Variants in PSMD6 observed in about 807,000 individuals in gnomAD.
PSMD6 encodes proteasome 26S subunit, non-ATPase 6.
PSMD6 carries 7 observed loss-of-function variants against 44.9 expected under a neutral mutation model. That is an observed-to-expected ratio of 0.16 (90% CI 0.09 to 0.29). The LOEUF (loss-of-function observed/expected upper bound fraction) is 0.29. Ranked by LOEUF, PSMD6 falls within the 10% of genes least tolerant of loss-of-function variation. The pLI, the probability that PSMD6 is intolerant of heterozygous loss-of-function variation, is 1.00. For synonymous variants in PSMD6, 184 were observed against 172.7 expected, an observed-to-expected ratio of 1.07 and a Z score of -0.51; for missense variants, 420 against 482.6, an observed-to-expected ratio of 0.87 and a Z score of 1.21.
chr3:64,023,378 G>A lies in PSMD6; in HGVS notation c.42C>T (p.Asn14=), dbSNP rs569890454. 14 of 1,611,770 alleles carry A rather than the reference G, an allele frequency of 8.7e-6. No homozygotes were observed. Among genetic ancestry groups the A allele is most frequent in the South Asian group, 7.7e-5 (7 of 90,926 alleles). Residue 14 remains asparagine (N), a synonymous_variant, in exon 1 of 8, where the codon AAC becomes AAT. Coordinates refer to ENST00000295901, the MANE Select transcript of PSMD6 (RefSeq NM_014814.3). ...GCAGCTGCGCGATACGCAAGTCGGG[G>A]TTCTTGGGCAGACCCTCCTCCTCCA... ...ENLEEEGLPK[N]PDLRIAQLRF... is the part of the protein sequence containing the mutation.
At chr3:64,011,072 T>C in intron 6 of PSMD6, 117 bp from the exon 7 acceptor site, 1 of 811,590 alleles carries the variant, frequency 1.2e-6, no homozygotes, top group Non-Finnish European at 1.9e-6. Flanking sequence ...CCTTCAAGCT[T>C]GTTATTGCAC....
intron 5 of PSMD6, chr3:64,016,292 T>C (rs1327526133): frequency 6.6e-6 from 1 of 152,014 alleles, no homozygotes; most frequent in African/African-American, 2.4e-5. Flanking sequence ...TGTGTATGGA[T>C]TTGGGGGTGA....
chr3:64,023,195 C>A, intron 1 of PSMD6, 80 bp downstream of exon 1: 1 of 1,466,820 alleles, frequency 6.8e-7, no homozygotes, highest in South Asian at 1.3e-5. Context: ...GGAGCTCCAT[C>A]AAAAAAAGTC....
upstream of PSMD6, chr3:64,023,941 G>C: frequency 1.1e-6 from 1 of 891,182 alleles, no homozygotes; most frequent in South Asian, 1.8e-5. Flanking sequence ...CCAAGGTCAT[G>C]TAACAGCCAT....
intron 5 of PSMD6, chr3:64,016,889 G>A (rs1210183581): frequency 6.6e-6 from 1 of 152,100 alleles, no homozygotes; most frequent in African/African-American, 2.4e-5. Context: ...TAGCCAAAAA[G>A]TGCAATCAAC....
intron 6 of PSMD6, chr3:64,012,054 T>A (rs1410227298): frequency 8.1e-6 from 1 of 122,950 alleles, no homozygotes; most frequent in East Asian, 2.6e-4. Context: ...TAGGGATCAT[T>A]TAAAAAATGG....
At chr3:64,018,549 T>A in intron 5 of PSMD6, 50 bp downstream of exon 5, 2 of 1,356,950 alleles carry the variant, frequency 1.5e-6, no homozygotes, top group Non-Finnish European at 2.1e-6. Flanking sequence ...GCACATAGGA[T>A]CAGGAGTAAG....
At chr3:64,019,115 T>G in intron 3 of PSMD6, 78 bp from the exon 4 acceptor site, 1 of 1,444,236 alleles carries the variant, frequency 6.9e-7, no homozygotes, top group Non-Finnish European at 9.5e-7. Flanking sequence ...TTATTTGAAA[T>G]GAGAAAACAA....
At chr3:64,016,317 C>G (rs1047628139) in intron 5 of PSMD6, 8 of 151,914 alleles carry the variant, frequency 5.3e-5, no homozygotes, top group African/African-American at 1.9e-4. Context: ...AGATACAAAA[C>G]CTTTCACTTT....
intron 2 of PSMD6, chr3:64,019,678 T>C (rs967072128): frequency 4.7e-6 from 2 of 423,084 alleles, no homozygotes; most frequent in South Asian, 7.0e-5. Context: ...AGCATATACT[T>C]AGATTCAGGA....
intron 2 of PSMD6, among the ~76,000 whole-genome samples, chr3:64,021,277 G>A (rs999837778): frequency 6.6e-6 from 1 of 152,124 alleles, no homozygotes; most frequent in Non-Finnish European, 1.5e-5. Flanking sequence ...GCTCTACAGT[G>A]GAACATTAGG....
chr3:64,021,700 A>C (rs936246362), intron 2 of PSMD6, among the ~76,000 whole-genome samples: 3 of 151,646 alleles, frequency 2.0e-5, no homozygotes, highest in African/African-American at 7.3e-5. Flanking sequence ...AATCTCAACT[A>C]CTCGGGAGGC....
At chr3:64,023,037 C>T in intron 1 of PSMD6, 1 of 1,427,888 alleles carries the variant, frequency 7.0e-7, no homozygotes, top group Non-Finnish European at 9.1e-7. Context: ...GATTCTCCCC[C>T]AAGCTGCCCT....
chr3:64,017,306 A>C (rs2076061016), intron 5 of PSMD6: 1 of 152,210 alleles, frequency 6.6e-6, no homozygotes, highest in South Asian at 2.1e-4. Context: ...TTTATACCTC[A>C]GTTTTTTTAA....
At chr3:64,021,364 A>AG (rs2076128279) in intron 2 of PSMD6, among the ~76,000 whole-genome samples, 2 of 152,224 alleles carry the variant, frequency 1.3e-5, no homozygotes, top group African/African-American at 2.4e-5. Flanking sequence ...CTGAATGAAA[A>AG]GGGCAAACAG....
intron 6 of PSMD6, chr3:64,011,522 T>A (rs2075950562): frequency 6.7e-6 from 1 of 149,846 alleles, no homozygotes; most frequent in Admixed American, 6.6e-5. Flanking sequence ...GAATAAAGAA[T>A]CCATGACAAC....
At chr3:64,019,257 A>C in intron 3 of PSMD6, 39 bp downstream of exon 3, 18 of 1,535,236 alleles carry the variant, frequency 1.2e-5, no homozygotes, top group Non-Finnish European at 1.5e-5. Context: ...TTGTAGCATC[A>C]TAATTTAGAG....
intron 1 of PSMD6, 21 bp downstream of exon 1, chr3:64,023,254 C>G: frequency 6.5e-7 from 1 of 1,546,872 alleles, no homozygotes; most frequent in Non-Finnish European, 8.7e-7. Context: ...GCCGCTGACT[C>G]GGCGCTCGTG....
chr3:64,022,808 A>T, intron 1 of PSMD6: 1 of 1,536,090 alleles, frequency 6.5e-7, no homozygotes, highest in Non-Finnish European at 8.7e-7. Context: ...AAGTCTTCAA[A>T]CAGGGAAAGA....
Sources: allele counts gnomAD v4.1 joint callset (sites outside exome capture counted in the v4.1 genomes callset), GRCh38; gene constraint gnomAD v4.1.1; transcripts MANE v1.5; gene names NCBI Gene and HGNC (gene_info 2026-07-23, HGNC 2026-07-21).